Variants in AGBL3 observed in about 807,000 individuals in gnomAD.
AGBL3 encodes cytosolic carboxypeptidase 3.
AGBL3 carries 68 observed loss-of-function variants against 94.5 expected under a neutral mutation model. The ratio of observed to expected loss-of-function variants is 0.72; its 90% CI spans 0.59 to 0.88. The LOEUF is 0.88. Among genes scored for constraint, AGBL3 ranks in the 40% least tolerant of loss-of-function variants. AGBL3 has a pLI of 0.00. For synonymous variants in AGBL3, 354 were observed against 370.7 expected, an observed-to-expected ratio of 0.95 and a Z score of 0.52; for missense variants, 934 against 1,103.8, an observed-to-expected ratio of 0.85 and a Z score of 2.18.
intron 7 of AGBL3, among the ~76,000 whole-genome samples, chr7:135,035,961 CA>C (rs775621846): frequency 6.6e-6 from 1 of 151,852 alleles, no homozygotes; most frequent in African/African-American, 2.4e-5. Flanking sequence ...TATTAGGCAG[CA>C]AATGAGAAAA....
At chr7:135,050,273 A>C (rs948977116) in intron 11 of AGBL3, among the ~76,000 whole-genome samples, 1 of 151,952 alleles carries the variant, frequency 6.6e-6, no homozygotes, top group Non-Finnish European at 1.5e-5. Context: ...TTGTTTGTTA[A>C]ATTTGTTAAG....
chr7:135,046,188 T>C (rs185514371), intron 11 of AGBL3, among the ~76,000 whole-genome samples: 7 of 152,264 alleles, frequency 4.6e-5, no homozygotes, highest in Non-Finnish European at 1.0e-4. Flanking sequence ...TTTCTCTTTC[T>C]TTTTAATAGA....
chr7:135,047,758 A>G (rs1478143426), intron 11 of AGBL3, among the ~76,000 whole-genome samples: 1 of 151,938 alleles, frequency 6.6e-6, no homozygotes, highest in Non-Finnish European at 1.5e-5. Flanking sequence ...AATTCCTTAT[A>G]TATTTTGTAG....
At chr7:135,003,485 T>C (rs1811983922) in intron 4 of AGBL3, among the ~76,000 whole-genome samples, 1 of 152,000 alleles carries the variant, frequency 6.6e-6, no homozygotes, top group Non-Finnish European at 1.5e-5. Flanking sequence ...TAAAATAAGC[T>C]TTCCTAGTTG....
intron 16 of AGBL3, among the ~76,000 whole-genome samples, chr7:135,132,122 C>A (rs1050803657): frequency 6.6e-6 from 1 of 152,114 alleles, no homozygotes; most frequent in African/African-American, 2.4e-5. Context: ...CAATTCTATA[C>A]AATTTCTTCC....
intron 16 of AGBL3, chr7:135,128,318 A>C (rs546377995): frequency 0.018 from 3,019 of 170,024 alleles, 56 homozygotes; most frequent in Non-Finnish European, 0.026. Context: ...AAAAAAAAAA[A>C]ACGAAAAAAA....
chr7:135,075,680 A>G (rs1210370797), intron 12 of AGBL3, among the ~76,000 whole-genome samples: 3 of 152,214 alleles, frequency 2.0e-5, no homozygotes, highest in Non-Finnish European at 4.4e-5. Flanking sequence ...ATGGATGTAC[A>G]ATTTTCCCTT....
At chr7:135,084,414 G>C (rs990638499) in intron 15 of AGBL3, among the ~76,000 whole-genome samples, 6 of 152,040 alleles carry the variant, frequency 3.9e-5, no homozygotes, top group African/African-American at 1.4e-4. Flanking sequence ...TCACCCTATA[G>C]TTCTATGGAA....
chr7:135,048,718 T>C (rs1278401531), intron 11 of AGBL3, among the ~76,000 whole-genome samples: 1 of 151,138 alleles, frequency 6.6e-6, no homozygotes, highest in Non-Finnish European at 1.5e-5. Context: ...TTGTAACCTG[T>C]AACTTTCTGA....
intron 15 of AGBL3, among the ~76,000 whole-genome samples, chr7:135,109,493 G>A (rs1049024754): frequency 6.6e-6 from 1 of 152,192 alleles, no homozygotes; most frequent in Non-Finnish European, 1.5e-5. Flanking sequence ...CCCGCTTTCT[G>A]TATGGCTGCT....
chr7:135,073,403 G>A (rs959143559), intron 12 of AGBL3, among the ~76,000 whole-genome samples: 2 of 152,078 alleles, frequency 1.3e-5, no homozygotes, highest in African/African-American at 2.4e-5. Flanking sequence ...CTTGGGAAGT[G>A]CAGGTTGCAG....
At chr7:135,072,253 G>A (rs1375848421) in intron 12 of AGBL3, among the ~76,000 whole-genome samples, 1 of 152,164 alleles carries the variant, frequency 6.6e-6, no homozygotes, top group African/African-American at 2.4e-5. Context: ...TCATTAAAAA[G>A]TCAGGAAACA....
Position 135,017,038 on chromosome 7 carries a change from A to G in AGBL3, c.311-14A>G. 7 of 1,463,234 alleles carry G rather than the reference A, an allele frequency of 4.8e-6. No homozygotes were observed. The highest frequency in any genetic ancestry group is 6.5e-6 in the Non-Finnish European group (7 of 1,070,956). 90.6% of individuals were successfully genotyped at this position (1,463,234 alleles called of 1,614,324 possible). On this transcript the variant is annotated splice_polypyrimidine_tract_variant and intron_variant, in intron 4 of 16. Coordinates refer to ENST00000436302, the MANE Select transcript of AGBL3 (RefSeq NM_178563.4). ...TGAAGTCATCTTCAAATAATGTTTC[A>G]CTTTTTTTTCCAGATTGGACTCCTT...
At chr7:135,116,430 A>C (rs1826320809) in intron 16 of AGBL3, among the ~76,000 whole-genome samples, 1 of 152,222 alleles carries the variant, frequency 6.6e-6, no homozygotes, top group African/African-American at 2.4e-5. Flanking sequence ...ATACTTTCAT[A>C]AGAAAATGGG....
At chr7:134,988,545 AAACT>A (rs923341724) in intron 2 of AGBL3, among the ~76,000 whole-genome samples, 1 of 152,196 alleles carries the variant, frequency 6.6e-6, no homozygotes, top group Non-Finnish European at 1.5e-5. Flanking sequence ...TTATGTATGT[AAACT>A]AATGTCCCGA....
chr7:135,134,100 C>T (rs1459682977), intron 16 of AGBL3, among the ~76,000 whole-genome samples: 1 of 152,050 alleles, frequency 6.6e-6, no homozygotes, highest in Non-Finnish European at 1.5e-5. Context: ...GAAGCAGGTA[C>T]TACAAGAGGG....
chr7:135,060,802 T>C (rs1453855986), intron 12 of AGBL3, among the ~76,000 whole-genome samples: 1 of 152,216 alleles, frequency 6.6e-6, no homozygotes, highest in Non-Finnish European at 1.5e-5. Flanking sequence ...TATCTGTCGA[T>C]GAACACTTAA....
intron 4 of AGBL3, among the ~76,000 whole-genome samples, chr7:135,003,317 T>C (rs947529935): frequency 6.6e-6 from 1 of 152,132 alleles, no homozygotes; most frequent in African/African-American, 2.4e-5. Flanking sequence ...TTTTGAATTC[T>C]GTTCCATTAA....
intron 9 of AGBL3, 104 bp downstream of exon 9, chr7:135,044,255 AAAT>A (rs1321169868): frequency 2.8e-6 from 3 of 1,088,526 alleles, no homozygotes; most frequent in Middle Eastern, 2.6e-4. Flanking sequence ...CTTCCTATTT[AAAT>A]AATACTAATA....
Sources: allele counts gnomAD v4.1 joint callset (sites outside exome capture counted in the v4.1 genomes callset), GRCh38; gene constraint gnomAD v4.1.1; transcripts MANE v1.5; gene names NCBI Gene and HGNC (gene_info 2026-07-23, HGNC 2026-07-21).